Variants in DENND2C observed in about 807,000 individuals in gnomAD.
DENND2C encodes the protein DENN domain containing 2C, also known as DENN domain-containing protein 2C.
In DENND2C, 72 loss-of-function variants were observed where a neutral mutation model predicts 112.4. That is an observed-to-expected ratio of 0.64 (90% confidence interval 0.53 to 0.78). DENND2C has a LOEUF of 0.78. Among genes scored for constraint, DENND2C ranks in the 30% least tolerant of loss-of-function variants. DENND2C has a pLI of 0.00. For missense variants in DENND2C, 992 were observed against 1,113.8 expected (o/e 0.89, Z 1.56); for synonymous variants, 329 against 381.6 (o/e 0.86, Z 1.61).
chr1:114,667,591 A>G (rs964298585), intron 1 of DENND2C, among the ~76,000 whole-genome samples: 1 of 152,168 alleles, frequency 6.6e-6, no homozygotes, highest in Non-Finnish European at 1.5e-5. Context: ...CCCACAGATA[A>G]ACTATAATTA....
intron 10 of DENND2C, among the ~76,000 whole-genome samples, chr1:114,606,292 T>TGTG (rs1389576797): frequency 2.0e-5 from 3 of 152,226 alleles, no homozygotes; most frequent in Non-Finnish European, 4.4e-5. Context: ...ACTTTCAGGC[T>TGTG]ACATTGAGAA....
chr1:114,642,140 C>T (rs765325176), intron 3 of DENND2C, among the ~76,000 whole-genome samples: 7 of 151,926 alleles, frequency 4.6e-5, no homozygotes, highest in South Asian at 2.1e-4. Context: ...TTGGTAGAGA[C>T]GGGTTTCACC....
rs1022164619 is a variant in DENND2C, at chr1:114,584,232, G to C, written c.*1368C>G. 7 of 152,032 alleles carry C rather than the reference G, an allele frequency of 4.6e-5. No individual in the cohort carries two copies. Among genetic ancestry groups the C allele is most frequent in the African/African-American group, 1.7e-4 (7 of 41,384 alleles). The allele number at this position is 152,032 out of a possible 1,614,324, so 9.4% of individuals were successfully genotyped here. ...TCTGTGTTGTACAACTTTGGGCAAC[G>C]TATTTAACTTCTTTGAATTTGTTTT... is the stretch of plus-strand genomic sequence containing the variant. On this transcript the variant is annotated 3_prime_UTR_variant, in exon 21 of 21. Transcript: ENST00000393274.
At chr1:114,643,202 C>T (rs1656893262) in intron 3 of DENND2C, among the ~76,000 whole-genome samples, 1 of 152,138 alleles carries the variant, frequency 6.6e-6, no homozygotes, top group Non-Finnish European at 1.5e-5. Flanking sequence ...CTCAGAATGT[C>T]ACTCCTGAAC....
intron 18 of DENND2C, among the ~76,000 whole-genome samples, chr1:114,590,736 G>A (rs192137021): frequency 6.6e-4 from 89 of 135,544 alleles, no homozygotes; most frequent in African/African-American, 2.1e-3. Flanking sequence ...CCAAGATTGC[G>A]CCACTGCACT....
At chr1:114,667,975 T>C (rs1260926242) in intron 1 of DENND2C, among the ~76,000 whole-genome samples, 3 of 152,230 alleles carry the variant, frequency 2.0e-5, no homozygotes, top group Non-Finnish European at 2.9e-5. Flanking sequence ...CAATGAATGA[T>C]AGCTGATGTT....
chr1:114,583,760 T>A lies in DENND2C; in HGVS notation c.*1840A>T, dbSNP rs555440859. 66 of 127,560 alleles carry A rather than the reference T, an allele frequency of 5.2e-4. No individual in the cohort carries two copies. Among genetic ancestry groups the A allele is most frequent in the African/African-American group, 2.0e-3 (65 of 32,808 alleles). 7.9% of individuals were successfully genotyped at this position (127,560 alleles called of 1,614,324 possible). A position where few individuals can be genotyped will look rare whatever the true frequency, so the allele number is the denominator to read the frequency against. ...AGGCGGAGGTTGCAGTGAGCCGAGA[T>A]CACACCATTGCACTCCAGCCTGGGC... is the stretch of plus-strand genomic sequence containing the variant. On this transcript the variant is annotated 3_prime_UTR_variant, in exon 21 of 21. Transcript: ENST00000393274.
chr1:114,622,049 T>A lies in DENND2C; in HGVS notation c.1073A>T (p.Gln358Leu), dbSNP rs574217003. The A allele has an allele frequency of 7.1e-6, 11 of 1,544,250 alleles. No homozygotes were observed. In the South Asian group the frequency reaches 1.1e-4, roughly 15 times the overall value. Reference protein sequence around the residue: ...FKAPKLPPKPQFLHRKTMEVK... With the variant: ...FKAPKLPPKPLFLHRKTMEVK... ...TTCCATAGTCTTCCGGTGAAGGAACTGAGGTTTTGGAGGGAGCTAAAACAG... is the reference window on the plus strand; with the variant it reads ...TTCCATAGTCTTCCGGTGAAGGAACAGAGGTTTTGGAGGGAGCTAAAACAG... The change falls in exon 7 of 21, where the codon CAG becomes CTG. Residue 358 changes from glutamine (Q) to leucine (L), a missense_variant. By Grantham distance (113) the Gln-to-Leu change is moderately radical. Coordinates refer to ENST00000393274, the MANE Select transcript of DENND2C (RefSeq NM_001256404.2).
chr1:114,596,674 G>A (rs1049523986), intron 16 of DENND2C, among the ~76,000 whole-genome samples: 1 of 152,094 alleles, frequency 6.6e-6, no homozygotes, highest in Non-Finnish European at 1.5e-5. Context: ...GTACTGAAGT[G>A]GGGTGACTGG....
At chr1:114,595,100 G>T (rs973587690) in intron 17 of DENND2C, among the ~76,000 whole-genome samples, 1 of 152,180 alleles carries the variant, frequency 6.6e-6, no homozygotes, top group Admixed American at 6.5e-5. Flanking sequence ...AACTTTATGT[G>T]TGTCTGTTTC....
intron 18 of DENND2C, among the ~76,000 whole-genome samples, chr1:114,590,116 A>C (rs1655143826): frequency 6.6e-6 from 1 of 152,294 alleles, no homozygotes; most frequent in South Asian, 2.1e-4. Context: ...AGCTGGGTGC[A>C]GCTAAAATGG....
At chr1:114,588,002 G>C (rs1198423001) in intron 18 of DENND2C, 50 bp from the exon 19 acceptor site, 2 of 1,510,008 alleles carry the variant, frequency 1.3e-6, no homozygotes, top group Admixed American at 1.8e-5. Context: ...TCAGTTATCT[G>C]TATCTGGAAA....
In DENND2C at chr1:114,625,276, A is replaced by G; in HGVS notation, c.709T>C (p.Tyr237His). 6.2e-7 allele frequency: 1 copy of G among 1,614,114 alleles called. No individual in the cohort carries two copies. Among genetic ancestry groups the G allele is most frequent in the Non-Finnish European group, 8.5e-7 (1 of 1,180,000 alleles). The change falls in exon 4 of 21, where the codon TAC becomes CAC. Residue 237 changes from tyrosine to histidine, a missense_variant. Physicochemically the swap from Tyr to His is moderately conservative, Grantham distance 83. Coordinates refer to ENST00000393274, the MANE Select transcript of DENND2C (RefSeq NM_001256404.2). ...PYKERNCDKK[Y>H]CENNSCAQSS... ...TGTGCACAAGAGTTATTTTCACAGT[A>G]TTTTTTGTCACAGTTTCTTTCTTTA...
In DENND2C at chr1:114,618,386, C is replaced by T. The variant is rs1553234526; in HGVS notation, c.1324G>A (p.Gly442Ser). The T allele has an allele frequency of 2.6e-6, 4 of 1,566,148 alleles. No individual in the cohort carries two copies. Among genetic ancestry groups the T allele is most frequent in the Non-Finnish European group, 3.5e-6 (4 of 1,158,034 alleles). Residue 442 changes from glycine (G) to serine (S), a missense_variant and splice_region_variant, in exon 8 of 21, where the codon GGT becomes AGT. Gly to Ser is a moderately conservative substitution (Grantham distance 56). Coordinates refer to ENST00000393274, the MANE Select transcript of DENND2C (RefSeq NM_001256404.2). ...AGCTGGAACGAAAAACAATTCTTACCTTTTGTCGGAGGTAATTCCTTTCCA... is the reference window on the plus strand; with the variant it reads ...AGCTGGAACGAAAAACAATTCTTACTTTTTGTCGGAGGTAATTCCTTTCCA... Reference protein sequence around the residue: ...YTGKELPPTKGETSGNESDAE... With the variant: ...YTGKELPPTKSETSGNESDAE...
chr1:114,649,985 AC>A (rs1201966180), intron 2 of DENND2C, among the ~76,000 whole-genome samples: 4 of 152,146 alleles, frequency 2.6e-5, no homozygotes, highest in Non-Finnish European at 4.4e-5. Flanking sequence ...TACAGTGTAT[AC>A]ATAATTGTAT....
chr1:114,605,090 T>C (rs1655623166), intron 10 of DENND2C, 59 bp from the exon 11 acceptor site: 1 of 1,258,430 alleles, frequency 7.9e-7, no homozygotes, highest in African/African-American at 1.5e-5. Flanking sequence ...GGAATAGAAA[T>C]AAAAAACTCA....
chr1:114,652,217 T>C (rs1657185852), intron 2 of DENND2C, among the ~76,000 whole-genome samples: 1 of 152,168 alleles, frequency 6.6e-6, no homozygotes, highest in Admixed American at 6.5e-5. Context: ...TATGCAGATA[T>C]GCAAAGATGT....
chr1:114,646,912 C>A (rs1456304193), intron 2 of DENND2C, among the ~76,000 whole-genome samples: 1 of 152,086 alleles, frequency 6.6e-6, no homozygotes, highest in African/African-American at 2.4e-5. Context: ...GTAATCCCAG[C>A]ACTTTGGGAG....
intron 11 of DENND2C, 152 bp from the exon 12 acceptor site, chr1:114,602,346 A>C: frequency 1.4e-6 from 1 of 697,814 alleles, no homozygotes; most frequent in Non-Finnish European, 2.3e-6. Context: ...CCATGGAAAA[A>C]ACAATTGAAA....
Sources: gnomAD v4.1 joint callset for allele counts (sites outside exome capture counted in the v4.1 genomes callset) on GRCh38, gnomAD v4.1.1 for gene constraint, MANE v1.5 for transcripts, NCBI Gene and HGNC (gene_info 2026-07-23, HGNC 2026-07-21) for gene names.